The following ROBO2 variants were observed in gnomAD, a reference collection of about 807,000 sequenced individuals.
ROBO2 encodes roundabout homolog 2.
In ROBO2, 53 loss-of-function variants were observed where a neutral mutation model predicts 160.8. That is an observed-to-expected ratio of 0.33 (90% CI 0.26 to 0.41). The LOEUF is 0.41. ROBO2 is among the 10% of genes least tolerant of loss of function. The pLI, the probability that ROBO2 is intolerant of heterozygous loss-of-function variation, is 1.00. For synonymous variants in ROBO2, 664 were observed against 611.7 expected (o/e 1.09, Z -1.26); for missense variants, 1,577 against 1,722.4 (o/e 0.92, Z 1.49).
At chr3:75,980,026 T>G (rs902281849) in intron 2 of ROBO2, among the ~76,000 whole-genome samples, 11 of 151,600 alleles carry the variant, frequency 7.3e-5, no homozygotes, top group African/African-American at 2.7e-4. Context: ...ATTTTTCAAG[T>G]TATATAAACT....
intron 2 of ROBO2, among the ~76,000 whole-genome samples, chr3:76,915,662 T>C (rs73102481): frequency 0.11 from 14,081 of 132,046 alleles, 1,246 homozygotes; most frequent in African/African-American, 0.25. Context: ...AGAGTGAAAC[T>C]CTCGCTCTCA....
intron 2 of ROBO2, among the ~76,000 whole-genome samples, chr3:76,716,312 C>T (rs1420834132): frequency 6.6e-6 from 1 of 152,136 alleles, no homozygotes; most frequent in Non-Finnish European, 1.5e-5. Context: ...GGCATCATTA[C>T]TTGAGTAAAC....
intron 2 of ROBO2, among the ~76,000 whole-genome samples, chr3:76,422,202 G>A (rs1296956852): frequency 6.6e-6 from 1 of 152,080 alleles, no homozygotes; most frequent in Non-Finnish European, 1.5e-5. Flanking sequence ...TTCAAAACAG[G>A]ACCTTTTTAT....
At chr3:77,325,683 C>A (rs1430462795) in intron 2 of ROBO2, among the ~76,000 whole-genome samples, 1 of 152,160 alleles carries the variant, frequency 6.6e-6, no homozygotes, top group Non-Finnish European at 1.5e-5. Context: ...AAAGAAAACT[C>A]ACCTGGTTTA....
At chr3:76,567,763 C>CTCTGTG (rs1553805955) in intron 2 of ROBO2, among the ~76,000 whole-genome samples, 1 of 88,358 alleles carries the variant, frequency 1.1e-5, no homozygotes, top group Non-Finnish European at 2.1e-5. Context: ...ATATATCTGT[C>CTCTGTG]TGTGTGTGTG....
At chr3:76,856,852 A>G (rs2070152034) in intron 2 of ROBO2, among the ~76,000 whole-genome samples, 1 of 152,220 alleles carries the variant, frequency 6.6e-6, no homozygotes, top group South Asian at 2.1e-4. Context: ...TACTGTGGGG[A>G]GAGGCTGGGG....
chr3:76,807,128 A>ATG (rs2064791032), intron 2 of ROBO2, among the ~76,000 whole-genome samples: 1 of 152,066 alleles, frequency 6.6e-6, no homozygotes, highest in African/African-American at 2.4e-5. Flanking sequence ...TGTACATGGT[A>ATG]TGTGTGAAAT....
chr3:76,143,978 C>G (rs759831144), intron 2 of ROBO2, among the ~76,000 whole-genome samples: 3 of 151,694 alleles, frequency 2.0e-5, no homozygotes, highest in Non-Finnish European at 2.9e-5. Flanking sequence ...CTATTCAGGC[C>G]TTTAACTGAT....
At chr3:76,416,170 T>TAATAA (rs986799022) in intron 2 of ROBO2, among the ~76,000 whole-genome samples, 1 of 151,862 alleles carries the variant, frequency 6.6e-6, no homozygotes, top group Non-Finnish European at 1.5e-5. Context: ...TAAAAAATAA[T>TAATAA]AATAAAATAA....
chr3:76,414,778 A>G (rs1157804486), intron 2 of ROBO2, among the ~76,000 whole-genome samples: 2 of 152,084 alleles, frequency 1.3e-5, no homozygotes, highest in Non-Finnish European at 2.9e-5. Context: ...TAAAAAAAAA[A>G]AGAAAAAGAC....
chr3:76,108,772 G>T (rs2070072152), intron 2 of ROBO2, among the ~76,000 whole-genome samples: 2 of 151,140 alleles, frequency 1.3e-5, no homozygotes, highest in Admixed American at 1.3e-4. Context: ...AACTTAATTA[G>T]AATTTTGTTT....
chr3:77,472,596 G>T (rs1005207295), intron 2 of ROBO2, among the ~76,000 whole-genome samples: 2 of 152,058 alleles, frequency 1.3e-5, no homozygotes, highest in African/African-American at 4.8e-5. Flanking sequence ...GAATATTCGG[G>T]TTCTAGCCAA....
chr3:76,227,578 G>A (rs1361917208), intron 2 of ROBO2, among the ~76,000 whole-genome samples: 2 of 152,080 alleles, frequency 1.3e-5, no homozygotes, highest in Admixed American at 1.3e-4. Flanking sequence ...CATCTATTAT[G>A]TTTTAATTTT....
chr3:76,565,779 T>A (rs531630010), intron 2 of ROBO2, among the ~76,000 whole-genome samples: 2 of 152,312 alleles, frequency 1.3e-5, no homozygotes, highest in South Asian at 4.1e-4. Context: ...GATACATAAA[T>A]AATGAAGGAT....
intron 2 of ROBO2, among the ~76,000 whole-genome samples, chr3:76,087,054 C>G (rs1352474955): frequency 6.6e-6 from 1 of 151,528 alleles, no homozygotes; most frequent in African/African-American, 2.4e-5. Context: ...CAACTAAAAA[C>G]TATGCATAAA....
At chr3:76,346,877 A>T (rs2074564717) in intron 2 of ROBO2, among the ~76,000 whole-genome samples, 1 of 152,170 alleles carries the variant, frequency 6.6e-6, no homozygotes, top group Non-Finnish European at 1.5e-5. Flanking sequence ...GCCTCCTGTT[A>T]TAACAGGGCC....
At chr3:76,885,396 T>G (rs1467979290) in intron 2 of ROBO2, among the ~76,000 whole-genome samples, 2 of 152,176 alleles carry the variant, frequency 1.3e-5, no homozygotes, top group African/African-American at 4.8e-5. Flanking sequence ...GAACACATAT[T>G]TATTAAACAA....
At chr3:76,159,834 T>C (rs894752079) in intron 2 of ROBO2, among the ~76,000 whole-genome samples, 3 of 152,148 alleles carry the variant, frequency 2.0e-5, no homozygotes, top group African/African-American at 7.2e-5. Context: ...TTTTAGATTG[T>C]TAACTAAAGA....
chr3:76,181,129 C>T (rs1015058392), intron 2 of ROBO2, among the ~76,000 whole-genome samples: 28 of 152,026 alleles, frequency 1.8e-4, no homozygotes, highest in African/African-American at 6.5e-4. Flanking sequence ...TTTTCAATAT[C>T]TTATACCTTT....
Sources: allele counts gnomAD v4.1 joint callset (sites outside exome capture counted in the v4.1 genomes callset), GRCh38; gene constraint gnomAD v4.1.1; transcripts MANE v1.5; gene names NCBI Gene and HGNC (gene_info 2026-07-23, HGNC 2026-07-21).